Variants in EYA1 observed in about 807,000 individuals in gnomAD.
The protein encoded by EYA1 is EYA transcriptional coactivator and phosphatase 1, also known as protein phosphatase EYA1.
A neutral mutation model predicts 82.0 loss-of-function variants in EYA1; 16 were observed. The observed-to-expected ratio is 0.20, with a 90% CI of 0.13 to 0.30. The LOEUF is 0.30. Ranked by LOEUF, EYA1 falls within the 10% of genes least tolerant of loss-of-function variation. The pLI, the probability that EYA1 is intolerant of heterozygous loss-of-function variation, is 1.00. For missense variants in EYA1, 633 were observed against 730.7 expected (o/e 0.87, Z 1.54); for synonymous variants, 261 against 264.4 (o/e 0.99, Z 0.12).
At chr8:71,387,071 T>C (rs1311994694) in intron 2 of EYA1, among the ~76,000 whole-genome samples, 2 of 152,158 alleles carry the variant, frequency 1.3e-5, no homozygotes, top group African/African-American at 4.8e-5. Flanking sequence ...CCTACCCCTA[T>C]AGAGCTCATG....
At chr8:71,329,261 A>C (rs565083321) in intron 4 of EYA1, among the ~76,000 whole-genome samples, 1 of 152,126 alleles carries the variant, frequency 6.6e-6, no homozygotes, top group Non-Finnish European at 1.5e-5. Context: ...ATTAGCCCCT[A>C]CCTTCTTCTT....
intron 2 of EYA1, among the ~76,000 whole-genome samples, chr8:71,386,940 G>T (rs1275958041): frequency 6.6e-6 from 1 of 152,144 alleles, no homozygotes; most frequent in Non-Finnish European, 1.5e-5. Context: ...TTTGTGAAAT[G>T]GTTCTTAACA....
intron 9 of EYA1, among the ~76,000 whole-genome samples, chr8:71,279,119 T>C (rs1817530810): frequency 6.6e-6 from 1 of 152,218 alleles, no homozygotes; most frequent in South Asian, 2.1e-4. Flanking sequence ...GCAGAGCTTT[T>C]CATGAAATCC....
intron 11 of EYA1, among the ~76,000 whole-genome samples, chr8:71,262,860 T>C (rs559607454): frequency 6.2e-4 from 95 of 152,352 alleles, no homozygotes; most frequent in Non-Finnish European, 9.8e-4. Context: ...TTAGATTCTA[T>C]GTCACTCTAC....
intron 17 of EYA1, among the ~76,000 whole-genome samples, chr8:71,208,421 C>T (rs1325172818): frequency 6.6e-6 from 1 of 151,766 alleles, no homozygotes; most frequent in Non-Finnish European, 1.5e-5. Context: ...GACGGAGACT[C>T]TTTCTCAAAT....
intron 11 of EYA1, among the ~76,000 whole-genome samples, chr8:71,252,894 C>T (rs1813919170): frequency 6.6e-6 from 1 of 152,134 alleles, no homozygotes; most frequent in South Asian, 2.1e-4. Context: ...GTGAACATAG[C>T]TTAGCCCAAA....
chr8:71,448,418 A>T (rs1807074933), intron 2 of EYA1, among the ~76,000 whole-genome samples: 1 of 152,138 alleles, frequency 6.6e-6, no homozygotes, highest in South Asian at 2.1e-4. Flanking sequence ...ACTCAGTCAC[A>T]TCTTGAGGAT....
At chr8:71,356,122 A>G (rs56262612) in intron 2 of EYA1, among the ~76,000 whole-genome samples, 4,008 of 152,308 alleles carry the variant, frequency 0.026, 72 homozygotes, top group Non-Finnish European at 0.04. Context: ...ACAGCTTAAC[A>G]TGAACCATTT....
intron 9 of EYA1, 45 bp from the exon 10 acceptor site, chr8:71,271,942 A>T: frequency 6.2e-7 from 1 of 1,610,616 alleles, no homozygotes; most frequent in Non-Finnish European, 8.5e-7. Context: ...TTCCATCACC[A>T]TGGTGCCAAG....
At chr8:71,301,041 T>C (rs1226037632) in intron 7 of EYA1, among the ~76,000 whole-genome samples, 1 of 152,166 alleles carries the variant, frequency 6.6e-6, no homozygotes, top group Non-Finnish European at 1.5e-5. Flanking sequence ...AGCCATTTTT[T>C]AAAAAGTTAG....
intron 4 of EYA1, among the ~76,000 whole-genome samples, chr8:71,331,923 C>A (rs1823924501): frequency 6.6e-6 from 1 of 152,194 alleles, no homozygotes; most frequent in African/African-American, 2.4e-5. Context: ...TCATAGCTCA[C>A]TGCAACCTTG....
At chr8:71,500,674 T>A (rs1257129321) in intron 2 of EYA1, among the ~76,000 whole-genome samples, 1 of 152,196 alleles carries the variant, frequency 6.6e-6, no homozygotes, top group Non-Finnish European at 1.5e-5. Context: ...TTTTTATATC[T>A]ATTAAGTCTG....
intron 2 of EYA1, among the ~76,000 whole-genome samples, chr8:71,484,855 G>C (rs1286832349): frequency 6.6e-6 from 1 of 152,186 alleles, no homozygotes; most frequent in Non-Finnish European, 1.5e-5. Flanking sequence ...ATGGGCCTTG[G>C]CTCCAGACTG....
chr8:71,266,369 A>ATTG (rs1464614092), intron 11 of EYA1, among the ~76,000 whole-genome samples: 2 of 152,044 alleles, frequency 1.3e-5, no homozygotes, highest in Admixed American at 6.6e-5. Flanking sequence ...GCTTATTATT[A>ATTG]TTGTTTGGAA....
chr8:71,244,755 T>C, intron 11 of EYA1, 63 bp from the exon 12 acceptor site: 1 of 983,972 alleles, frequency 1.0e-6, no homozygotes, highest in South Asian at 1.4e-5. Flanking sequence ...AGAGAGTGTC[T>C]CATTAAGAGG....
Position 71,249,406 on chromosome 8 carries a change from A to G in EYA1, c.1051-4714T>C, listed in dbSNP as rs552673779. 7.4e-4 allele frequency among the ~76,000 whole-genome samples: 113 copies of G among 152,066 alleles called. 1 individual carries two copies. Among genetic ancestry groups the G allele is most frequent in the African/African-American group, 2.7e-3 (111 of 41,396 alleles). On this transcript the variant is annotated intron_variant, in intron 11 of 17. Coordinates refer to ENST00000340726, the MANE Select transcript of EYA1 (RefSeq NM_000503.6). ...TCATGGAGGAAGGGGAAGCAAACATATTCTTCTTCACATGGTGGCAGCAAG... is the reference window on the plus strand; with the variant it reads ...TCATGGAGGAAGGGGAAGCAAACATGTTCTTCTTCACATGGTGGCAGCAAG...
intron 2 of EYA1, among the ~76,000 whole-genome samples, chr8:71,355,135 G>A (rs1259970044): frequency 6.6e-6 from 1 of 152,122 alleles, no homozygotes; most frequent in Non-Finnish European, 1.5e-5. Flanking sequence ...GTCACATGAA[G>A]CTTTTAAAAT....
At chr8:71,331,228 CTAAA>C (rs1375368499) in intron 4 of EYA1, among the ~76,000 whole-genome samples, 1 of 145,952 alleles carries the variant, frequency 6.9e-6, no homozygotes, top group Non-Finnish European at 1.5e-5. Context: ...GACTCTGTCT[CTAAA>C]TAAATAAATA....
chr8:71,371,985 C>G (rs1417592398), intron 2 of EYA1, among the ~76,000 whole-genome samples: 1 of 151,996 alleles, frequency 6.6e-6, no homozygotes, highest in East Asian at 1.9e-4. Context: ...TTCTGGTTTT[C>G]CAACACCCAG....
Sources: allele counts gnomAD v4.1 joint callset (sites outside exome capture counted in the v4.1 genomes callset), GRCh38; gene constraint gnomAD v4.1.1; transcripts MANE v1.5; gene names NCBI Gene and HGNC (gene_info 2026-07-23, HGNC 2026-07-21).